The following RFX2 variants were observed in gnomAD, a reference collection of about 807,000 sequenced individuals.
The protein encoded by RFX2 is DNA-binding protein RFX2.
A neutral mutation model predicts 87.8 loss-of-function variants in RFX2; 20 were observed. That is an observed-to-expected ratio of 0.23 (90% CI 0.16 to 0.33). The LOEUF is 0.33. RFX2 is among the 10% of genes least tolerant of loss of function. The probability of loss-of-function intolerance (pLI) is 1.00; values close to 1 mark genes in which losing one functional copy is unlikely to be tolerated. For missense variants in RFX2, 767 were observed against 1,012.3 expected (o/e 0.76, Z 3.29); for synonymous variants, 397 against 431.3 (o/e 0.92, Z 0.98).
chr19:6,034,435 G>A (rs779870837), intron 5 of RFX2, among the ~76,000 whole-genome samples: 11 of 151,896 alleles, frequency 7.2e-5, no homozygotes, highest in Non-Finnish European at 1.6e-4. Context: ...CACCATGTTG[G>A]CCAGGATTGT....
chr19:6,084,622 CT>C (rs796555750), intron 1 of RFX2, among the ~76,000 whole-genome samples: 1 of 140,534 alleles, frequency 7.1e-6, no homozygotes, highest in Non-Finnish European at 1.5e-5. Context: ...TGGATTTGTC[CT>C]TTTTTTTCTT....
rs977046532 is a variant in RFX2, at chr19:6,021,342, C to T, written c.597+4821G>A. On this transcript the variant is annotated intron_variant, in intron 6 of 17. Transcript: ENST00000303657. The surrounding 1 kb of genome is among the most constrained non-coding windows in gnomAD (Gnocchi z 5.7). Reference sequence around the variant, plus strand: ...GCGAATAAAAGACAAAAACCCCTGCCCCCTGGAAGCGTCCGTTCTTGTCTG... The same window carrying T: ...GCGAATAAAAGACAAAAACCCCTGCTCCCTGGAAGCGTCCGTTCTTGTCTG... Among the ~76,000 whole-genome samples, 5 of 152,306 alleles carry T rather than the reference C, an allele frequency of 3.3e-5. No individual in the cohort carries two copies. The highest frequency in any genetic ancestry group is 1.9e-4 in the East Asian group (1 of 5,188).
rs989794934 is a variant in RFX2, at chr19:6,060,318, A to G, written c.-8-12814T>C. ...GAGGAGCTGAGACAGACCCCAGCAG[A>G]AGCCTAAAATATGTACTCTCTGGTC... On this transcript the variant is annotated intron_variant, in intron 1 of 17. Transcript: ENST00000303657. Among the ~76,000 whole-genome samples the G allele has an allele frequency of 2.0e-5, 3 of 152,148 alleles. No homozygotes were observed. In the South Asian group the frequency reaches 6.2e-4, roughly 32 times the overall value.
rs759593127 is a variant in RFX2 at position 6,047,433 on chromosome 19, CTGCCGCCGAG to C, written c.54_63del (p.Ser19ProfsTer96). On this transcript the variant is annotated frameshift_variant, in exon 2 of 18. Coordinates refer to ENST00000303657, the MANE Select transcript of RFX2 (RefSeq NM_000635.4). LOFTEE classifies it high-confidence loss of function. This position sits in a 1 kb window ranked among gnomAD's most constrained non-coding sequence, Gnocchi z 4.2. ...TGCGGGGAGGCTGGCACAGGCGGGGCTGCCGCCGAGGGACGCAGAGCCACGGACGCTGGCG... is the reference window on the plus strand; with the variant it reads ...TGCGGGGAGGCTGGCACAGGCGGGGCGGACGCAGAGCCACGGACGCTGGCG... The C allele has an allele frequency of 3.7e-6, 6 of 1,600,316 alleles. No homozygotes were observed. The highest frequency in any genetic ancestry group is 4.3e-6 in the Non-Finnish European group (5 of 1,173,898).
chr19:6,102,037 G>A (rs568428676), intron 1 of RFX2, among the ~76,000 whole-genome samples: 3 of 152,288 alleles, frequency 2.0e-5, no homozygotes, highest in East Asian at 1.9e-4. Context: ...ATCCAGTCAC[G>A]GAAACACAAA....
chr19:6,026,460 G>A lies in RFX2; in HGVS notation c.523-223C>T, dbSNP rs139961692. 86 of 584,042 alleles carry A rather than the reference G, an allele frequency of 1.5e-4. No individual in the cohort carries two copies. Among genetic ancestry groups the A allele is most frequent in the African/African-American group, 1.3e-3 (67 of 53,522 alleles). The allele number at this position is 584,042 out of a possible 1,614,324, so 36.2% of individuals were successfully genotyped here. ...TTGCTTCGCACACGTAGGTAAGCCC[G>A]AGAGCCCGTCCAACAGAAGCAGCAG... is the stretch of plus-strand genomic sequence containing the variant. On this transcript the variant is annotated intron_variant, in intron 5 of 17. Transcript: ENST00000303657. The surrounding 1 kb of genome is among the most constrained non-coding windows in gnomAD (Gnocchi z 4.5).
chr19:6,094,253 A>T (rs2087989821), intron 1 of RFX2, among the ~76,000 whole-genome samples: 1 of 150,864 alleles, frequency 6.6e-6, no homozygotes, highest in South Asian at 2.1e-4. Flanking sequence ...TACAATTTGG[A>T]TTTTTTTTTA....
chr19:6,017,767 C>G lies in RFX2; in HGVS notation c.598-1496G>C, dbSNP rs2086749488. Among the ~76,000 whole-genome samples the G allele has an allele frequency of 6.6e-6, 1 of 152,072 alleles. No homozygotes were observed. Among genetic ancestry groups the G allele is most frequent in the African/African-American group, 2.4e-5 (1 of 41,416 alleles). On this transcript the variant is annotated intron_variant, in intron 6 of 17. Coordinates refer to ENST00000303657, the MANE Select transcript of RFX2 (RefSeq NM_000635.4). This position sits in a 1 kb window ranked among gnomAD's most constrained non-coding sequence, Gnocchi z 4.1. ...CCGGGCATGTTGGGCTCCTGCACAGCCCTTGGCCTGGGAAGCCCTTGTCCC... is the reference window on the plus strand; with the variant it reads ...CCGGGCATGTTGGGCTCCTGCACAGGCCTTGGCCTGGGAAGCCCTTGTCCC...
At chr19:6,043,399 G>C (rs561377336) in intron 3 of RFX2, among the ~76,000 whole-genome samples, 1 of 152,360 alleles carries the variant, frequency 6.6e-6, no homozygotes, top group South Asian at 2.1e-4. Context: ...TGCCAATCTA[G>C]GCAGGACCCT....
intron 9 of RFX2, among the ~76,000 whole-genome samples, chr19:6,009,205 C>T (rs1026501653): frequency 6.6e-6 from 1 of 152,212 alleles, no homozygotes; most frequent in Non-Finnish European, 1.5e-5. Context: ...CCACCTCAAT[C>T]TCTGCCGAAG....
At chr19:6,075,113 A>T (rs2087671949) in intron 1 of RFX2, among the ~76,000 whole-genome samples, 1 of 152,048 alleles carries the variant, frequency 6.6e-6, no homozygotes, top group African/African-American at 2.4e-5. Context: ...CCAGAACCTG[A>T]CCCTGCTGGC....
chr19:6,056,775 T>C lies in RFX2; in HGVS notation c.-8-9271A>G, dbSNP rs1254956151. Among the ~76,000 whole-genome samples the C allele has an allele frequency of 6.6e-6, 1 of 152,176 alleles. No homozygotes were observed. Among genetic ancestry groups the C allele is most frequent in the Non-Finnish European group, 1.5e-5 (1 of 68,032 alleles). ...GCGTTCCTTTGTCCTCTCTTCTGTTTTTCTTCCTGTGGCGAGGACCTGGGC... is the reference window on the plus strand; with the variant it reads ...GCGTTCCTTTGTCCTCTCTTCTGTTCTTCTTCCTGTGGCGAGGACCTGGGC... On this transcript the variant is annotated intron_variant, in intron 1 of 17. Coordinates refer to ENST00000303657, the MANE Select transcript of RFX2 (RefSeq NM_000635.4). This position sits in a 1 kb window ranked among gnomAD's most constrained non-coding sequence, Gnocchi z 4.6.
intron 4 of RFX2, among the ~76,000 whole-genome samples, chr19:6,041,162 G>T (rs1389396380): frequency 6.6e-6 from 1 of 152,090 alleles, no homozygotes; most frequent in Non-Finnish European, 1.5e-5. Context: ...TCAGCCTCCT[G>T]AGCTCAAGTG....
rs890011269 is a variant in RFX2, at chr19:6,074,902, C to T, written c.-8-27398G>A. Reference sequence around the variant, plus strand: ...AATGCTGGGGGTTGAATGTTGTGTCCCCTTAAATTCCTATGCTGAACTCCT... The same window carrying T: ...AATGCTGGGGGTTGAATGTTGTGTCTCCTTAAATTCCTATGCTGAACTCCT... On this transcript the variant is annotated intron_variant, in intron 1 of 17. Transcript: ENST00000303657. The surrounding 1 kb of genome is among the most constrained non-coding windows in gnomAD (Gnocchi z 5.2). Among the ~76,000 whole-genome samples the T allele has an allele frequency of 6.6e-6, 1 of 152,048 alleles. No homozygotes were observed. The highest frequency in any genetic ancestry group is 1.5e-5 in the Non-Finnish European group (1 of 68,014).
chr19:5,993,646 G>A lies in RFX2; in HGVS notation c.*1189C>T, dbSNP rs2086364710. The A allele has an allele frequency of 6.6e-6, 1 of 152,214 alleles. No homozygotes were observed. Among genetic ancestry groups the A allele is most frequent in the Non-Finnish European group, 1.5e-5 (1 of 68,038 alleles). The allele number at this position is 152,214 out of a possible 1,614,324, so 9.4% of individuals were successfully genotyped here. Reference sequence around the variant, plus strand: ...GAAATCGCGTCCTGGGCCGAGGCTCGTCTTTCTTCTCTGCAGTTGGTTTGG... The same window carrying A: ...GAAATCGCGTCCTGGGCCGAGGCTCATCTTTCTTCTCTGCAGTTGGTTTGG... On this transcript the variant is annotated 3_prime_UTR_variant, in exon 18 of 18. Transcript: ENST00000303657.
In RFX2 at chr19:6,083,047, C is replaced by T. The variant is rs368182681; in HGVS notation, c.-9+27346G>A. 1.9e-4 allele frequency among the ~76,000 whole-genome samples: 29 copies of T among 152,126 alleles called. No individual in the cohort carries two copies. In the South Asian group the frequency reaches 5.6e-3, roughly 29 times the overall value. On this transcript the variant is annotated intron_variant, in intron 1 of 17. Transcript: ENST00000303657. This position sits in a 1 kb window ranked among gnomAD's most constrained non-coding sequence, Gnocchi z 4.6. ...TCAACCTCCCTGGGCTCAGGGAGTACGGGCACGTGCCACTACCCCCAGCTA... is the reference window on the plus strand; with the variant it reads ...TCAACCTCCCTGGGCTCAGGGAGTATGGGCACGTGCCACTACCCCCAGCTA...
rs1209025893 is a variant in RFX2 at position 6,063,822 on chromosome 19, C to T, written c.-8-16318G>A. Among the ~76,000 whole-genome samples the T allele has an allele frequency of 6.6e-6, 1 of 152,286 alleles. No individual in the cohort carries two copies. Among genetic ancestry groups the T allele is most frequent in the East Asian group, 1.9e-4 (1 of 5,172 alleles). On this transcript the variant is annotated intron_variant, in intron 1 of 17. Coordinates refer to ENST00000303657, the MANE Select transcript of RFX2 (RefSeq NM_000635.4). This position sits in a 1 kb window ranked among gnomAD's most constrained non-coding sequence, Gnocchi z 4.0. The stretch of plus-strand genomic sequence containing the variant: ...CTCCACCCACTCCATGCCAGGAAAC[C>T]CCCCGACCCCTGTCTGACAGCCACA...
rs2086808474 is a variant in RFX2 at position 6,021,363 on chromosome 19, GTCT to G, written c.597+4797_597+4799del. 6.6e-6 allele frequency among the ~76,000 whole-genome samples: 1 copy of G among 152,220 alleles called. No individual in the cohort carries two copies. Among genetic ancestry groups the G allele is most frequent in the South Asian group, 2.1e-4 (1 of 4,832 alleles). On this transcript the variant is annotated intron_variant, in intron 6 of 17. Coordinates refer to ENST00000303657, the MANE Select transcript of RFX2 (RefSeq NM_000635.4). This position sits in a 1 kb window ranked among gnomAD's most constrained non-coding sequence, Gnocchi z 5.7. ...CTGCCCCCTGGAAGCGTCCGTTCTT[GTCT>G]GGCAGAGACCCACAATAAATAAGTA...
chr19:6,054,953 T>G lies in RFX2; in HGVS notation c.-8-7449A>C, dbSNP rs190835203. 2.0e-5 allele frequency among the ~76,000 whole-genome samples: 3 copies of G among 152,316 alleles called. No individual in the cohort carries two copies. The East Asian group carries it at 5.8e-4, about 29-fold the overall frequency. On this transcript the variant is annotated intron_variant, in intron 1 of 17. Coordinates refer to ENST00000303657, the MANE Select transcript of RFX2 (RefSeq NM_000635.4). ...GCCTGGGAGAAATATTTGCAAAACATGTATCTCATAAAGGGCTTTGATCCT... is the reference window on the plus strand; with the variant it reads ...GCCTGGGAGAAATATTTGCAAAACAGGTATCTCATAAAGGGCTTTGATCCT...
Sources: allele counts gnomAD v4.1 joint callset (sites outside exome capture counted in the v4.1 genomes callset), GRCh38; gene constraint gnomAD v4.1.1; non-coding constraint Gnocchi (gnomAD v3.1); transcripts MANE v1.5; gene names NCBI Gene and HGNC (gene_info 2026-07-23, HGNC 2026-07-21).